GLYATL2: variants seen among roughly 807,000 people sequenced by gnomAD.
GLYATL2 encodes the protein glycine-N-acyltransferase like 2.
In GLYATL2, 25 loss-of-function variants were observed where a neutral mutation model predicts 21.4. The ratio of observed to expected loss-of-function variants is 1.17; its 90% CI spans 0.85 to 1.63. The LOEUF is 1.63. Ranked by LOEUF, GLYATL2 falls within the 40% of genes most tolerant of loss-of-function variation. The pLI, the probability that GLYATL2 is intolerant of heterozygous loss-of-function variation, is 0.00. For synonymous variants in GLYATL2, 114 were observed against 118.2 expected (o/e 0.96, Z 0.23); for missense variants, 361 against 343.3 (o/e 1.05, Z -0.41).
chr11:58,838,177 ACTC>A, intron 3 of GLYATL2, 81 bp downstream of exon 3: 1 of 855,246 alleles, frequency 1.2e-6, no homozygotes, highest in Non-Finnish European at 1.9e-6. Flanking sequence ...TCTTCTCACC[ACTC>A]CTCAGTTTCA....
chr11:58,901,062 G>A (rs1445325954), intron 1 of GLYATL2, among the ~76,000 whole-genome samples: 2 of 152,230 alleles, frequency 1.3e-5, no homozygotes, highest in African/African-American at 4.8e-5. Flanking sequence ...GCTGAGTGAG[G>A]TATTTAAGCG....
chr11:58,845,119 T>G (rs1049969758), upstream of GLYATL2, among the ~76,000 whole-genome samples: 7 of 152,142 alleles, frequency 4.6e-5, no homozygotes, highest in African/African-American at 1.7e-4. Context: ...CAAAGTGTGT[T>G]CCTCACACCA....
chr11:58,838,418 T>C (rs746512216), intron 2 of GLYATL2, 50 bp from the exon 3 acceptor site: 1 of 1,128,398 alleles, frequency 8.9e-7, no homozygotes, highest in Non-Finnish European at 1.3e-6. Flanking sequence ...TTCTCCAATA[T>C]AGAGTCTTAT....
intron 1 of GLYATL2, among the ~76,000 whole-genome samples, chr11:58,882,019 T>G (rs1405865598): frequency 6.6e-6 from 1 of 152,248 alleles, no homozygotes; most frequent in African/African-American, 2.4e-5. Context: ...TTTGCTATTG[T>G]GAATAGTGCC....
At chr11:58,863,192 A>G (rs1434132602) in intron 1 of GLYATL2, among the ~76,000 whole-genome samples, 1 of 152,218 alleles carries the variant, frequency 6.6e-6, no homozygotes, top group South Asian at 2.1e-4. Flanking sequence ...GCCTGTACCA[A>G]TAGGGGCTGG....
At chr11:58,836,529 CTATT>C (rs1202293985) in intron 5 of GLYATL2, among the ~76,000 whole-genome samples, 1 of 151,998 alleles carries the variant, frequency 6.6e-6, no homozygotes, top group African/African-American at 2.4e-5. Flanking sequence ...GTGCAATGAT[CTATT>C]TATGATGATA....
upstream of GLYATL2, chr11:58,844,736 A>G (rs1220703996): frequency 6.6e-6 from 1 of 152,230 alleles, no homozygotes; most frequent in Non-Finnish European, 1.5e-5. Context: ...TGATTTATAT[A>G]TAACCTCTTG....
At position 58,841,026 on chromosome 11, in the gene GLYATL2, A is replaced by G. The variant is rs182156668; in HGVS notation, c.-40-1374T>C. 8.2e-3 allele frequency among the ~76,000 whole-genome samples: 1,245 copies of G among 152,106 alleles called. 17 individuals are homozygous for G. The highest frequency in any genetic ancestry group is 0.028 in the African/African-American group (1,163 of 41,518). On this transcript the variant is annotated intron_variant, in intron 1 of 5. Coordinates refer to ENST00000287275, the MANE Select transcript of GLYATL2 (RefSeq NM_145016.4). ...AATATGAACTTTTGAACTTTCTTCC[A>G]GCCATATACACGGCTGACAATATAT...
intron 5 of GLYATL2, 85 bp downstream of exon 5, chr11:58,836,930 T>G (rs1179092509): frequency 6.4e-6 from 8 of 1,249,260 alleles, no homozygotes; most frequent in Non-Finnish European, 6.8e-6. Flanking sequence ...TAATTTAGTC[T>G]CAAATCCTAC....
chr11:58,863,787 C>G (rs1440289771), intron 1 of GLYATL2, among the ~76,000 whole-genome samples: 2 of 152,142 alleles, frequency 1.3e-5, no homozygotes, highest in Non-Finnish European at 2.9e-5. Flanking sequence ...ACTGTAGGAA[C>G]TGCTCTGGAA....
At chr11:58,878,192 C>T (rs192564847) in intron 1 of GLYATL2, 28 of 242,842 alleles carry the variant, frequency 1.2e-4, no homozygotes, top group African/African-American at 1.8e-4. Flanking sequence ...TGCCAGATTC[C>T]GGAATTCTTC....
rs79576565 is a variant in GLYATL2, at chr11:58,888,781, A to G, written n.60+15375T>C. 5.1e-3 allele frequency among the ~76,000 whole-genome samples: 770 copies of G among 152,066 alleles called. 5 individuals carry two copies. Among genetic ancestry groups the G allele is most frequent in the African/African-American group, 0.018 (734 of 41,566 alleles). Reference sequence around the variant, plus strand: ...TACATTATGCAATGTATGCAATTGCATACATTGTACATTATGCAATGTACA... The same window carrying G: ...TACATTATGCAATGTATGCAATTGCGTACATTGTACATTATGCAATGTACA... On this transcript the variant is annotated intron_variant and non_coding_transcript_variant, in intron 1 of 4. Transcript: ENST00000533636.
chr11:58,904,291 G>A (rs1180351908), upstream of GLYATL2: 1 of 152,124 alleles, frequency 6.6e-6, no homozygotes, highest in Non-Finnish European at 1.5e-5. Flanking sequence ...AAATATGTCA[G>A]GTTATATTAC....
intron 1 of GLYATL2, among the ~76,000 whole-genome samples, chr11:58,877,594 A>G (rs1854260178): frequency 1.3e-5 from 2 of 152,252 alleles, no homozygotes; most frequent in African/African-American, 4.8e-5. Flanking sequence ...AAGTTAAAGG[A>G]AAACCAAGAG....
At chr11:58,861,692 T>C (rs1176431123) in intron 1 of GLYATL2, among the ~76,000 whole-genome samples, 1 of 152,038 alleles carries the variant, frequency 6.6e-6, no homozygotes, top group Non-Finnish European at 1.5e-5. Flanking sequence ...GTAAATGTTT[T>C]GAAGCATCTT....
intron 1 of GLYATL2, chr11:58,878,303 G>T: frequency 2.0e-6 from 1 of 508,054 alleles, no homozygotes; most frequent in Non-Finnish European, 3.3e-6. Flanking sequence ...AGTATCCCCA[G>T]GAGCGCTAAG....
chr11:58,835,049 A>G (rs1396003232), intron 5 of GLYATL2, among the ~76,000 whole-genome samples: 1 of 152,166 alleles, frequency 6.6e-6, no homozygotes, highest in Non-Finnish European at 1.5e-5. Flanking sequence ...ATTTAATAGC[A>G]GAGAGACAGC....
Position 58,901,260 on chromosome 11 carries a change from G to A in GLYATL2, n.60+2896C>T, listed in dbSNP as rs116175053. Among the ~76,000 whole-genome samples, 278 of 152,234 alleles carry A rather than the reference G, an allele frequency of 1.8e-3. 1 individual carries two copies. Among genetic ancestry groups the A allele is most frequent in the African/African-American group, 6.4e-3 (267 of 41,532 alleles). ...TTACCGAGCCACAGTCCAACCAAAG[G>A]TATCAAAACAGGATCTCTACCGATG... On this transcript the variant is annotated intron_variant and non_coding_transcript_variant, in intron 1 of 4. Transcript: ENST00000533636.
intron 1 of GLYATL2, among the ~76,000 whole-genome samples, chr11:58,858,169 G>A (rs1212136271): frequency 6.6e-6 from 1 of 152,126 alleles, no homozygotes; most frequent in Admixed American, 6.5e-5. Flanking sequence ...CAGCCCCTCA[G>A]TTTAAAGAAG....
Sources: gnomAD v4.1 joint callset for allele counts (sites outside exome capture counted in the v4.1 genomes callset) on GRCh38, gnomAD v4.1.1 for gene constraint, MANE v1.5 for transcripts, NCBI Gene and HGNC (gene_info 2026-07-23, HGNC 2026-07-21) for gene names.